Variants in TMTC1 observed in about 807,000 individuals in gnomAD.
TMTC1 encodes the protein protein O-mannosyl-transferase TMTC1.
A neutral mutation model predicts 104.8 loss-of-function variants in TMTC1; 73 were observed. The observed-to-expected ratio is 0.70, with a 90% CI of 0.58 to 0.85. TMTC1 has a LOEUF of 0.85. TMTC1 is among the 40% of genes least tolerant of loss of function. The pLI is 0.00. For missense variants in TMTC1, 1,035 were observed against 1,096.1 expected, an observed-to-expected ratio of 0.94 and a Z score of 0.79; for synonymous variants, 434 against 428.7, an observed-to-expected ratio of 1.01 and a Z score of -0.15.
chr12:29,647,692 T>A (rs1939330779), intron 5 of TMTC1, among the ~76,000 whole-genome samples: 1 of 152,222 alleles, frequency 6.6e-6, no homozygotes, highest in Non-Finnish European at 1.5e-5. Flanking sequence ...AGCCTTTGCC[T>A]GTATTTCTTA....
chr12:29,506,834 C>A lies in TMTC1; in HGVS notation c.*12G>T. On this transcript the variant is annotated 3_prime_UTR_variant, in exon 18 of 18. Coordinates refer to ENST00000539277, the MANE Select transcript of TMTC1 (RefSeq NM_001193451.2). The stretch of plus-strand genomic sequence containing the variant: ...ACCACATTATCCTATGAGGTTGGGT[C>A]AGACGGTGGTGCTATGTTTGATCCT... 1.2e-6 allele frequency: 2 copies of A among 1,613,944 alleles called. No individual in the cohort carries two copies. The highest frequency in any genetic ancestry group is 2.2e-5 in the South Asian group (2 of 91,038).
chr12:29,742,348 C>T (rs1319049833), intron 5 of TMTC1, among the ~76,000 whole-genome samples: 1 of 152,084 alleles, frequency 6.6e-6, no homozygotes, highest in Non-Finnish European at 1.5e-5. Context: ...AAACACTTTA[C>T]CAAGACTTAT....
Position 29,668,237 on chromosome 12 carries a change from C to A in TMTC1, c.939-34901G>T, listed in dbSNP as rs549503774. ...GGCTGGAGAGTGCAAGATCAAGGCA[C>A]CAGCATCTGGGAGGCCTGGTGAAGG... is the stretch of plus-strand genomic sequence containing the variant. On this transcript the variant is annotated intron_variant, in intron 5 of 17. Coordinates refer to ENST00000539277, the MANE Select transcript of TMTC1 (RefSeq NM_001193451.2). Among the ~76,000 whole-genome samples the A allele has an allele frequency of 1.1e-4, 16 of 152,236 alleles. No individual in the cohort carries two copies. The South Asian group carries it at 3.1e-3, about 30-fold the overall frequency.
At chr12:29,619,529 G>A (rs1021198802) in intron 6 of TMTC1, among the ~76,000 whole-genome samples, 14 of 152,208 alleles carry the variant, frequency 9.2e-5, no homozygotes, top group African/African-American at 7.2e-5. Context: ...TAGTGTCCAC[G>A]TTGTTCCAAC....
intron 11 of TMTC1, among the ~76,000 whole-genome samples, chr12:29,528,577 G>A (rs1203407954): frequency 6.6e-6 from 1 of 152,146 alleles, no homozygotes; most frequent in African/African-American, 2.4e-5. Context: ...AAGGAAAAGT[G>A]AAAAATAGAT....
intron 5 of TMTC1, among the ~76,000 whole-genome samples, chr12:29,704,695 G>A (rs772546933): frequency 3.9e-5 from 6 of 152,130 alleles, no homozygotes; most frequent in Non-Finnish European, 7.4e-5. Context: ...GGAAAATGAA[G>A]CCAAAAAGGA....
At chr12:29,741,867 T>C (rs555471954) in intron 5 of TMTC1, among the ~76,000 whole-genome samples, 3 of 152,346 alleles carry the variant, frequency 2.0e-5, no homozygotes, top group Admixed American at 2.0e-4. Flanking sequence ...TTTATAACCT[T>C]GGCAGTTATA....
intron 9 of TMTC1, among the ~76,000 whole-genome samples, chr12:29,562,890 C>T (rs1447921166): frequency 1.3e-5 from 2 of 152,174 alleles, no homozygotes; most frequent in African/African-American, 2.4e-5. Flanking sequence ...TGAACCCATG[C>T]CAGGCTGAAG....
chr12:29,579,452 G>GAA (rs1945916037), intron 8 of TMTC1, among the ~76,000 whole-genome samples: 1 of 152,146 alleles, frequency 6.6e-6, no homozygotes, highest in Non-Finnish European at 1.5e-5. Context: ...CTCTGCCTCA[G>GAA]CAATTCAGAG....
chr12:29,664,316 C>T (rs574325290), intron 5 of TMTC1, among the ~76,000 whole-genome samples: 4 of 152,190 alleles, frequency 2.6e-5, no homozygotes, highest in African/African-American at 9.6e-5. Flanking sequence ...AAGATGACCT[C>T]TTCAAGATTT....
At chr12:29,753,639 C>A (rs1396564697) in intron 4 of TMTC1, among the ~76,000 whole-genome samples, 1 of 152,248 alleles carries the variant, frequency 6.6e-6, no homozygotes, top group Non-Finnish European at 1.5e-5. Context: ...GTGTTACATC[C>A]TCTGGTTCCT....
At chr12:29,722,427 T>C (rs1942261716) in intron 5 of TMTC1, among the ~76,000 whole-genome samples, 1 of 152,190 alleles carries the variant, frequency 6.6e-6, no homozygotes, top group Non-Finnish European at 1.5e-5. Flanking sequence ...TGGTAACCAA[T>C]AATATAATCT....
chr12:29,548,805 G>GTGTATAATA (rs1395476522), intron 10 of TMTC1, among the ~76,000 whole-genome samples: 10 of 1,704 alleles, frequency 5.9e-3, no homozygotes, highest in Non-Finnish European at 9.8e-3. Flanking sequence ...AAATATATAA[G>GTGTATAATA]TATAAAGGTT....
intron 7 of TMTC1, among the ~76,000 whole-genome samples, 180 bp from the exon 8 acceptor site, chr12:29,583,754 T>C (rs1946049572): frequency 6.6e-6 from 1 of 152,098 alleles, no homozygotes; most frequent in Admixed American, 6.5e-5. Flanking sequence ...CACTAGCAGG[T>C]TTGCTATTTC....
chr12:29,671,397 G>A (rs1940511494), intron 5 of TMTC1, among the ~76,000 whole-genome samples: 1 of 152,088 alleles, frequency 6.6e-6, no homozygotes, highest in Non-Finnish European at 1.5e-5. Context: ...TATTGAAACA[G>A]CAATATTCAA....
At chr12:29,689,532 C>T (rs1941201007) in intron 5 of TMTC1, among the ~76,000 whole-genome samples, 1 of 152,154 alleles carries the variant, frequency 6.6e-6, no homozygotes, top group Admixed American at 6.5e-5. Context: ...CCAGGCTGGT[C>T]TCGAACTCCC....
At chr12:29,573,991 G>C (rs907210797) in intron 8 of TMTC1, among the ~76,000 whole-genome samples, 1 of 151,960 alleles carries the variant, frequency 6.6e-6, no homozygotes, top group African/African-American at 2.4e-5. Context: ...GAGAGGGAAA[G>C]GGAGGAAGTG....
intron 8 of TMTC1, among the ~76,000 whole-genome samples, chr12:29,575,093 C>T (rs1390724574): frequency 6.6e-6 from 1 of 152,088 alleles, no homozygotes; most frequent in East Asian, 1.9e-4. Context: ...AAACAATGTC[C>T]ACAAGATCAC....
At chr12:29,605,167 T>C (rs993913552) in intron 6 of TMTC1, among the ~76,000 whole-genome samples, 1 of 152,050 alleles carries the variant, frequency 6.6e-6, no homozygotes, top group Non-Finnish European at 1.5e-5. Context: ...AAAAACCAAA[T>C]AGACTGTCCA....
Sources: allele counts gnomAD v4.1 joint callset (sites outside exome capture counted in the v4.1 genomes callset), GRCh38; gene constraint gnomAD v4.1.1; transcripts MANE v1.5; gene names NCBI Gene and HGNC (gene_info 2026-07-23, HGNC 2026-07-21).